Variants in CAMTA1 observed in about 807,000 individuals in gnomAD.
CAMTA1 encodes the protein calmodulin binding transcription activator 1, also known as calmodulin-binding transcription activator 1.
CAMTA1 carries 27 observed loss-of-function variants against 170.9 expected under a neutral mutation model. The ratio of observed to expected loss-of-function variants is 0.16; its 90% CI spans 0.12 to 0.22. The LOEUF is 0.22. CAMTA1 is among the 10% of genes least tolerant of loss of function. The pLI is 1.00. For missense variants in CAMTA1, 1,619 were observed against 2,217.2 expected, an observed-to-expected ratio of 0.73 and a Z score of 5.42; for synonymous variants, 833 against 891.5, an observed-to-expected ratio of 0.93 and a Z score of 1.17.
At chr1:7,551,831 A>G (rs2094807074) in intron 6 of CAMTA1, among the ~76,000 whole-genome samples, 1 of 152,170 alleles carries the variant, frequency 6.6e-6, no homozygotes, top group East Asian at 1.9e-4. Flanking sequence ...GGGTAGAAGG[A>G]CACCTCTTAG....
At position 7,619,282 on chromosome 1, in the gene CAMTA1, G is replaced by A. The variant is rs149799400; in HGVS notation, c.511-21118G>A. Among the ~76,000 whole-genome samples the A allele has an allele frequency of 2.7e-3, 418 of 152,308 alleles. 2 individuals carry two copies. Among genetic ancestry groups the A allele is most frequent in the African/African-American group, 9.2e-3 (381 of 41,562 alleles). The stretch of plus-strand genomic sequence containing the variant: ...ATGCAGAATGTATTCTATCACCTAC[G>A]CGGAAAGCCAGAGAGAGTGCGAACT... On this transcript the variant is annotated intron_variant, in intron 6 of 22. Coordinates refer to ENST00000303635, the MANE Select transcript of CAMTA1 (RefSeq NM_015215.4).
intron 6 of CAMTA1, among the ~76,000 whole-genome samples, chr1:7,554,433 C>T (rs59349082): frequency 0.056 from 8,519 of 152,206 alleles, 785 homozygotes; most frequent in African/African-American, 0.19. Context: ...CACCAGCTGC[C>T]ACCTTCCCCT....
At chr1:7,531,005 C>T (rs369529592) in intron 6 of CAMTA1, among the ~76,000 whole-genome samples, 1 of 151,822 alleles carries the variant, frequency 6.6e-6, no homozygotes, top group South Asian at 2.1e-4. Flanking sequence ...TTAGAAGAGA[C>T]GGGGTTTCAC....
chr1:7,687,034 T>C (rs751997532), intron 11 of CAMTA1, among the ~76,000 whole-genome samples: 2 of 151,944 alleles, frequency 1.3e-5, no homozygotes, highest in Non-Finnish European at 2.9e-5. Context: ...GGGGTTCACA[T>C]TGCGGTCTGA....
chr1:6,893,377 G>A (rs1674967236), intron 3 of CAMTA1, among the ~76,000 whole-genome samples: 1 of 152,202 alleles, frequency 6.6e-6, no homozygotes, highest in Non-Finnish European at 1.5e-5. Flanking sequence ...AGCCTCTTTG[G>A]CGTGGGTGGG....
At chr1:7,347,334 A>G (rs993679280) in intron 5 of CAMTA1, among the ~76,000 whole-genome samples, 2 of 152,150 alleles carry the variant, frequency 1.3e-5, no homozygotes, top group African/African-American at 4.8e-5. Flanking sequence ...GAGTGGCCCA[A>G]GGTCACAGAG....
intron 3 of CAMTA1, among the ~76,000 whole-genome samples, chr1:7,049,882 C>A (rs1706033592): frequency 1.3e-5 from 2 of 152,280 alleles, no homozygotes; most frequent in Middle Eastern, 6.8e-3. Context: ...GTTAAAGCAG[C>A]CCAGAGTCTC....
chr1:7,082,772 G>A (rs9434830), intron 3 of CAMTA1, among the ~76,000 whole-genome samples: 21,379 of 152,034 alleles, frequency 0.14, 1,617 homozygotes, highest in East Asian at 0.25. Flanking sequence ...CTACTCACTC[G>A]TCAAGACCCA....
chr1:7,725,878 A>G (rs1263887867), intron 11 of CAMTA1, among the ~76,000 whole-genome samples: 2 of 152,194 alleles, frequency 1.3e-5, no homozygotes, highest in Non-Finnish European at 2.9e-5. Flanking sequence ...CTAGGGCAGC[A>G]CACAGCCTCC....
intron 5 of CAMTA1, among the ~76,000 whole-genome samples, chr1:7,425,256 C>T (rs2091814036): frequency 6.6e-6 from 1 of 152,218 alleles, no homozygotes; most frequent in Admixed American, 6.5e-5. Flanking sequence ...CTGCCCAAAG[C>T]TCAGGGAAGA....
At chr1:7,091,161 C>A in intron 3 of CAMTA1, 143 bp from the exon 4 acceptor site, 1 of 687,718 alleles carries the variant, frequency 1.5e-6, no homozygotes, top group African/African-American at 1.8e-5. Context: ...GAAACAGAGT[C>A]CAAGTCGAGT....
intron 6 of CAMTA1, among the ~76,000 whole-genome samples, chr1:7,478,607 C>T (rs754910042): frequency 1.3e-5 from 2 of 152,206 alleles, no homozygotes; most frequent in South Asian, 2.1e-4. Context: ...TTAATCCTTC[C>T]GTCGGCAGAG....
intron 3 of CAMTA1, among the ~76,000 whole-genome samples, chr1:6,913,688 C>T (rs1680184223): frequency 1.3e-5 from 2 of 151,980 alleles, no homozygotes; most frequent in South Asian, 4.1e-4. Flanking sequence ...GCCCTGTGCT[C>T]AGTTCCAGAG....
intron 4 of CAMTA1, among the ~76,000 whole-genome samples, chr1:7,140,986 G>A (rs1645857406): frequency 6.6e-6 from 1 of 152,174 alleles, no homozygotes; most frequent in East Asian, 1.9e-4. Context: ...ACCGACAGAA[G>A]ATGAAGTAGC....
Position 7,325,499 on chromosome 1 carries a change from C to T in CAMTA1, c.438+75873C>T, listed in dbSNP as rs559686413. 3.9e-5 allele frequency among the ~76,000 whole-genome samples: 6 copies of T among 152,258 alleles called. No homozygotes were observed. The highest frequency in any genetic ancestry group is 2.1e-4 in the South Asian group (1 of 4,820). On this transcript the variant is annotated intron_variant, in intron 5 of 22. Coordinates refer to ENST00000303635, the MANE Select transcript of CAMTA1 (RefSeq NM_015215.4). This position sits in a 1 kb window ranked among gnomAD's most constrained non-coding sequence, Gnocchi z 5.0. ...AAGGAAGCCAGCGTGGCAGGGCCAG[C>T]TAGGATGCTAATGTAGTAACCCAGA...
intron 3 of CAMTA1, among the ~76,000 whole-genome samples, chr1:7,049,117 G>A (rs1410528631): frequency 3.9e-5 from 6 of 152,152 alleles, no homozygotes; most frequent in Non-Finnish European, 8.8e-5. Flanking sequence ...GCCATTCTCC[G>A]GACTGCGAGC....
intron 3 of CAMTA1, among the ~76,000 whole-genome samples, chr1:6,899,042 G>A (rs896987084): frequency 1.3e-5 from 2 of 152,196 alleles, no homozygotes; most frequent in African/African-American, 4.8e-5. Context: ...GATCTGTGAG[G>A]TCATCGGTAC....
chr1:7,310,602 T>TC (rs36137004), intron 5 of CAMTA1, among the ~76,000 whole-genome samples: 854 of 5,762 alleles, frequency 0.15, 18 homozygotes, highest in South Asian at 0.22. Flanking sequence ...TTCTTTTCTT[T>TC]TCTTTCTTTC....
chr1:7,155,918 G>A (rs1419191647), intron 4 of CAMTA1, among the ~76,000 whole-genome samples: 2 of 152,038 alleles, frequency 1.3e-5, no homozygotes, highest in South Asian at 2.1e-4. Flanking sequence ...ACATTTATGG[G>A]GCATCTCTTC....
Sources: allele counts gnomAD v4.1 joint callset (sites outside exome capture counted in the v4.1 genomes callset), GRCh38; gene constraint gnomAD v4.1.1; non-coding constraint Gnocchi (gnomAD v3.1); transcripts MANE v1.5; gene names NCBI Gene and HGNC (gene_info 2026-07-23, HGNC 2026-07-21).